STX18: variants seen among roughly 807,000 people sequenced by gnomAD.
The protein encoded by STX18 is syntaxin 18, also known as syntaxin-18.
In STX18, 40 loss-of-function variants were observed where a neutral mutation model predicts 50.1. That is an observed-to-expected ratio of 0.80 (90% CI 0.62 to 1.04). STX18 has a LOEUF of 1.04. Ranked by LOEUF, STX18 falls within the 50% of genes least tolerant of loss-of-function variation. STX18 has a pLI of 0.00. For synonymous variants in STX18, 158 were observed against 151.8 expected (o/e 1.04, Z -0.30); for missense variants, 410 against 415.8 (o/e 0.99, Z 0.12).
intron 1 of STX18, among the ~76,000 whole-genome samples, chr4:4,496,026 C>A (rs1466449695): frequency 3.9e-5 from 6 of 152,108 alleles, no homozygotes; most frequent in African/African-American, 1.4e-4. Flanking sequence ...AAGTAATGTA[C>A]CTTCATTAAG....
At chr4:4,429,435 A>C (rs1418810855) in intron 7 of STX18, among the ~76,000 whole-genome samples, 3 of 152,214 alleles carry the variant, frequency 2.0e-5, no homozygotes, top group Non-Finnish European at 1.5e-5. Flanking sequence ...TCACTCCTAC[A>C]AAGGCCTTTC....
At chr4:4,517,997 A>G (rs1327639532) in intron 1 of STX18, among the ~76,000 whole-genome samples, 1 of 151,202 alleles carries the variant, frequency 6.6e-6, no homozygotes, top group African/African-American at 2.4e-5. Flanking sequence ...CTGGTCTCAA[A>G]CTCCTGACCT....
At chr4:4,451,839 C>T (rs1222908430) in intron 5 of STX18, among the ~76,000 whole-genome samples, 1 of 152,132 alleles carries the variant, frequency 6.6e-6, no homozygotes, top group Non-Finnish European at 1.5e-5. Flanking sequence ...TCTAAGTGTT[C>T]AAGTGAAAGA....
At chr4:4,443,638 T>A (rs1726235507) in intron 5 of STX18, among the ~76,000 whole-genome samples, 1 of 152,170 alleles carries the variant, frequency 6.6e-6, no homozygotes, top group East Asian at 1.9e-4. Context: ...CATAAAAGCA[T>A]CCTTAATACA....
intron 2 of STX18, among the ~76,000 whole-genome samples, chr4:4,468,117 AC>A (rs1349850453): frequency 1.3e-5 from 2 of 152,180 alleles, no homozygotes; most frequent in Admixed American, 1.3e-4. Flanking sequence ...GCACTTTAAA[AC>A]TTTTTATTCC....
intron 9 of STX18, among the ~76,000 whole-genome samples, chr4:4,421,874 C>G (rs1724984212): frequency 6.6e-6 from 1 of 152,128 alleles, no homozygotes; most frequent in Non-Finnish European, 1.5e-5. Context: ...CCAAACGAAG[C>G]CTTGAAAAGC....
In STX18 at chr4:4,507,259, G is replaced by A. The variant is rs191272099; in HGVS notation, c.168+34538C>T. 229 of 690,160 alleles carry A rather than the reference G, an allele frequency of 3.3e-4. 3 individuals are homozygous for A. The African/African-American group carries it at 3.6e-3, about 11-fold the overall frequency. 42.8% of individuals were successfully genotyped at this position (690,160 alleles called of 1,614,324 possible). On this transcript the variant is annotated intron_variant, in intron 1 of 10. Coordinates refer to ENST00000306200, the MANE Select transcript of STX18 (RefSeq NM_016930.4). Reference sequence around the variant, plus strand: ...CCCATACTTTACAGTGTACTATAAAGAGTCCGGCATCTCCCAGGCTCTTCT... The same window carrying A: ...CCCATACTTTACAGTGTACTATAAAAAGTCCGGCATCTCCCAGGCTCTTCT...
intron 1 of STX18, among the ~76,000 whole-genome samples, chr4:4,474,164 C>G (rs1281719469): frequency 6.6e-6 from 1 of 152,208 alleles, no homozygotes; most frequent in East Asian, 1.9e-4. Flanking sequence ...ACTCACCCTA[C>G]ACTCCCAGCT....
intron 1 of STX18, among the ~76,000 whole-genome samples, chr4:4,508,448 G>C (rs1227481822): frequency 1.3e-5 from 2 of 152,070 alleles, no homozygotes; most frequent in Non-Finnish European, 2.9e-5. Flanking sequence ...ATATACATGA[G>C]AAGTTTGTTA....
chr4:4,475,609 T>C (rs921683591), intron 1 of STX18, among the ~76,000 whole-genome samples: 2 of 152,226 alleles, frequency 1.3e-5, no homozygotes, highest in Admixed American at 6.5e-5. Flanking sequence ...TTTAATCACA[T>C]GACTACCATT....
rs1045445724 is a variant in STX18 at position 4,477,691 on chromosome 4, C to A, written c.169-5985G>T. Among the ~76,000 whole-genome samples the A allele has an allele frequency of 4.6e-5, 7 of 152,154 alleles. No homozygotes were observed. The East Asian group carries it at 1.2e-3, about 25-fold the overall frequency. ...GTACCAGTCTTGAGTTCTTAACTGCCAAATTTACACAGAATCCTGGCAAGT... is the reference window on the plus strand; with the variant it reads ...GTACCAGTCTTGAGTTCTTAACTGCAAAATTTACACAGAATCCTGGCAAGT... On this transcript the variant is annotated intron_variant, in intron 1 of 10. Transcript: ENST00000306200.
chr4:4,514,538 C>A (rs1256720847), intron 1 of STX18, among the ~76,000 whole-genome samples: 1 of 152,168 alleles, frequency 6.6e-6, no homozygotes, highest in Non-Finnish European at 1.5e-5. Flanking sequence ...ATGGATGATC[C>A]ACTCTGTCCT....
chr4:4,425,386 C>T (rs577402549), intron 7 of STX18, 164 bp from the exon 8 acceptor site: 21 of 638,536 alleles, frequency 3.3e-5, no homozygotes, highest in Admixed American at 3.2e-4. Flanking sequence ...GTGTGAACAA[C>T]GTCCCTGCTT....
At chr4:4,424,146 T>C (rs1725115619) in intron 8 of STX18, among the ~76,000 whole-genome samples, 1 of 152,064 alleles carries the variant, frequency 6.6e-6, no homozygotes, top group African/African-American at 2.4e-5. Context: ...CGGAGTGTTC[T>C]GTCGGATCTG....
intron 1 of STX18, among the ~76,000 whole-genome samples, chr4:4,521,217 C>G (rs550558314): frequency 3.3e-5 from 5 of 152,302 alleles, no homozygotes; most frequent in African/African-American, 9.6e-5. Flanking sequence ...TAGGTCCCCT[C>G]ACTGACATTT....
chr4:4,489,116 G>C (rs1728822881), intron 1 of STX18, among the ~76,000 whole-genome samples: 1 of 152,050 alleles, frequency 6.6e-6, no homozygotes, highest in African/African-American at 2.4e-5. Flanking sequence ...TCAAAGTTCT[G>C]AGAAAGAGGG....
intron 1 of STX18, among the ~76,000 whole-genome samples, chr4:4,500,589 C>G (rs1315235127): frequency 2.0e-5 from 3 of 152,158 alleles, no homozygotes; most frequent in Non-Finnish European, 4.4e-5. Context: ...CTGAGGATAC[C>G]AAGGGATGAC....
intron 2 of STX18, among the ~76,000 whole-genome samples, chr4:4,469,384 A>G (rs1727794945): frequency 1.3e-5 from 2 of 152,188 alleles, no homozygotes; most frequent in South Asian, 4.1e-4. Context: ...CTGATCCCTG[A>G]TTAGACTTTC....
At chr4:4,501,673 C>T (rs975652260) in intron 1 of STX18, among the ~76,000 whole-genome samples, 1 of 152,176 alleles carries the variant, frequency 6.6e-6, no homozygotes, top group Non-Finnish European at 1.5e-5. Flanking sequence ...AACCTATTCA[C>T]TTAAAGCTGT....
Sources: allele counts gnomAD v4.1 joint callset (sites outside exome capture counted in the v4.1 genomes callset), GRCh38; gene constraint gnomAD v4.1.1; transcripts MANE v1.5; gene names NCBI Gene and HGNC (gene_info 2026-07-23, HGNC 2026-07-21).